Variants in PCDHA13 observed in about 807,000 individuals in gnomAD.
PCDHA13 encodes the protein protocadherin alpha 13, also known as protocadherin alpha-13.
In PCDHA13, 54 loss-of-function variants were observed where a neutral mutation model predicts 64.8. That is an observed-to-expected ratio of 0.83 (90% CI 0.67 to 1.04). The LOEUF is 1.04. Ranked by LOEUF, PCDHA13 falls within the 50% of genes least tolerant of loss-of-function variation. The pLI is 0.00. For missense variants in PCDHA13, 1,248 were observed against 1,254.3 expected, an observed-to-expected ratio of 0.99 and a Z score of 0.08; for synonymous variants, 587 against 564.4, an observed-to-expected ratio of 1.04 and a Z score of -0.57.
At chr5:140,960,763 C>A (rs1424215578) in intron 1 of PCDHA13, among the ~76,000 whole-genome samples, 1 of 151,896 alleles carries the variant, frequency 6.6e-6, no homozygotes, top group Non-Finnish European at 1.5e-5. Flanking sequence ...CCAAGAGTTA[C>A]AGAGGAGAAA....
chr5:140,897,311 C>T (rs1460942002), intron 1 of PCDHA13, among the ~76,000 whole-genome samples: 7 of 150,308 alleles, frequency 4.7e-5, no homozygotes, highest in Non-Finnish European at 7.4e-5. Context: ...TTAGGTATAT[C>T]TCCTAAAGCT....
chr5:140,971,236 G>A (rs1384010579), intron 1 of PCDHA13, among the ~76,000 whole-genome samples: 2 of 152,088 alleles, frequency 1.3e-5, no homozygotes, highest in East Asian at 3.9e-4. Flanking sequence ...AAAGCTTGGG[G>A]CAATTTGATA....
chr5:140,988,642 T>C (rs981488031), intron 3 of PCDHA13, among the ~76,000 whole-genome samples: 22 of 152,212 alleles, frequency 1.4e-4, no homozygotes, highest in African/African-American at 5.3e-4. Context: ...TTTCTGAAAT[T>C]AAACATTTTT....
intron 3 of PCDHA13, among the ~76,000 whole-genome samples, chr5:140,991,228 TGCAGTGGTAAAG>T (rs1452293099): frequency 1.1e-4 from 16 of 152,220 alleles, no homozygotes; most frequent in Non-Finnish European, 2.4e-4. Flanking sequence ...CATTAATAAA[TGCAGTGGTAAAG>T]GCAGTATTTG....
chr5:140,918,115 A>T (rs185486488), intron 1 of PCDHA13, among the ~76,000 whole-genome samples: 1 of 152,080 alleles, frequency 6.6e-6, no homozygotes, highest in East Asian at 1.9e-4. Context: ...CACATCCTTG[A>T]TTAGCCATAT....
At chr5:140,956,551 C>T (rs995941205) in intron 1 of PCDHA13, among the ~76,000 whole-genome samples, 1 of 152,148 alleles carries the variant, frequency 6.6e-6, no homozygotes, top group Non-Finnish European at 1.5e-5. Context: ...ATTTGGTTTG[C>T]CAGTATCTTA....
At chr5:140,999,476 A>G (rs1209910607) in intron 3 of PCDHA13, among the ~76,000 whole-genome samples, 6 of 152,124 alleles carry the variant, frequency 3.9e-5, no homozygotes, top group African/African-American at 1.2e-4. Flanking sequence ...GCAGATTCCA[A>G]CTCAAGTCTA....
At chr5:141,004,303 T>C (rs2098161196) in intron 3 of PCDHA13, among the ~76,000 whole-genome samples, 2 of 152,178 alleles carry the variant, frequency 1.3e-5, no homozygotes, top group South Asian at 4.1e-4. Context: ...GATGTTTGTT[T>C]TATACAACAA....
chr5:140,943,005 C>T (rs1383622610), intron 1 of PCDHA13, among the ~76,000 whole-genome samples: 2 of 151,608 alleles, frequency 1.3e-5, no homozygotes, highest in African/African-American at 4.8e-5. Context: ...GCCTGTAATC[C>T]CAGCACTTTG....
At chr5:140,990,284 T>C (rs2097384646) in intron 3 of PCDHA13, among the ~76,000 whole-genome samples, 1 of 152,142 alleles carries the variant, frequency 6.6e-6, no homozygotes, top group African/African-American at 2.4e-5. Flanking sequence ...GGTCTTGAGA[T>C]TATCGATGCC....
At position 140,884,171 on chromosome 5, in the gene PCDHA13, C is replaced by T. The variant is rs781800470; in HGVS notation, c.1903C>T (p.Arg635Cys). The T allele has an allele frequency of 6.2e-7, 1 of 1,613,414 alleles. No homozygotes were observed. The highest frequency in any genetic ancestry group is 1.7e-5 in the Admixed American group (1 of 60,000). ...GLYTGEISTT[R>C]PLDEVDAPHH... ...GTACACTGGCGAGATCAGCACGACG[C>T]GCCCTCTGGACGAGGTGGACGCGCC... The change falls in exon 1 of 4, where the codon CGC becomes TGC. Residue 635 changes from arginine to cysteine, a missense_variant. Arg to Cys is a radical substitution (Grantham distance 180). Transcript: ENST00000289272.
chr5:140,928,068 CA>C, intron 1 of PCDHA13: 1 of 1,614,214 alleles, frequency 6.2e-7, no homozygotes, highest in South Asian at 1.1e-5. Context: ...CTTCCTTTGA[CA>C]ACTACTACAG....
At chr5:140,897,008 T>C (rs1215081415) in intron 1 of PCDHA13, among the ~76,000 whole-genome samples, 13 of 152,154 alleles carry the variant, frequency 8.5e-5, no homozygotes, top group Admixed American at 1.3e-4. Flanking sequence ...TATTTTTAAA[T>C]ATACAACTAA....
chr5:140,950,917 A>G (rs1270492994), intron 1 of PCDHA13, among the ~76,000 whole-genome samples: 10 of 151,524 alleles, frequency 6.6e-5, no homozygotes, highest in African/African-American at 2.4e-4. Context: ...ATTTTATTTC[A>G]GTTCTTTTTC....
intron 1 of PCDHA13, among the ~76,000 whole-genome samples, chr5:140,891,953 T>G (rs1056816293): frequency 6.6e-6 from 1 of 152,238 alleles, no homozygotes; most frequent in African/African-American, 2.4e-5. Flanking sequence ...GCTCCAGAAT[T>G]GTGAGAAGTA....
intron 1 of PCDHA13, among the ~76,000 whole-genome samples, chr5:140,920,489 A>G (rs1323711960): frequency 2.6e-5 from 4 of 152,182 alleles, no homozygotes; most frequent in African/African-American, 9.7e-5. Flanking sequence ...TGGTCCAACA[A>G]TAGAGTTCTA....
At chr5:140,917,211 C>T (rs938458701) in intron 1 of PCDHA13, among the ~76,000 whole-genome samples, 3 of 151,636 alleles carry the variant, frequency 2.0e-5, no homozygotes, top group Non-Finnish European at 2.9e-5. Context: ...TTCAATGCCT[C>T]TTTTAGTGAT....
In PCDHA13 at chr5:140,968,804, G is replaced by T. The variant is rs147800392; in HGVS notation, c.2395-10145G>T. ...AGCCTCTGTGGCCATTACAGTAGCT[G>T]TGGTGGATAGGGTTTCCAAAATCCT... On this transcript the variant is annotated intron_variant, in intron 1 of 3. Transcript: ENST00000289272. 703 of 1,614,106 alleles carry T rather than the reference G, an allele frequency of 4.4e-4. No homozygotes were observed. The highest frequency in any genetic ancestry group is 5.7e-4 in the Non-Finnish European group (677 of 1,180,052).
In PCDHA13 at chr5:140,883,472, A is replaced by G. The variant is rs782442737; in HGVS notation, c.1204A>G (p.Lys402Glu). The G allele has an allele frequency of 1.2e-5, 20 of 1,614,018 alleles. No homozygotes were observed. Among genetic ancestry groups the G allele is most frequent in the Non-Finnish European group, 1.4e-5 (16 of 1,180,052 alleles). Residue 402 changes from lysine (K) to glutamate (E), a missense_variant, in exon 1 of 4, where the codon AAG becomes GAG. Lys to Glu is a moderately conservative substitution (Grantham distance 56). Coordinates refer to ENST00000289272, the MANE Select transcript of PCDHA13 (RefSeq NM_018904.3). ...CCCCTTCAAGCTGGTGTCCACCTAC[A>G]AGAACTACTACTCATTAGTGCTGGA... is the stretch of plus-strand genomic sequence containing the variant. ...HVPFKLVSTYKNYYSLVLDSA... is the reference protein window; with the variant it reads ...HVPFKLVSTYENYYSLVLDSA...
Sources: gnomAD v4.1 joint callset for allele counts (sites outside exome capture counted in the v4.1 genomes callset) on GRCh38, gnomAD v4.1.1 for gene constraint, MANE v1.5 for transcripts, NCBI Gene and HGNC (gene_info 2026-07-23, HGNC 2026-07-21) for gene names.